The following UGT1A7 variants were observed in gnomAD, a reference collection of about 807,000 sequenced individuals.
The protein encoded by UGT1A7 is UDP glucuronosyltransferase family 1 member A7, also known as UDP-glucuronosyltransferase 1A7.
Under a neutral mutation model 45.6 loss-of-function variants are expected in UGT1A7, and 33 were observed. That is an observed-to-expected ratio of 0.72 (90% CI 0.55 to 0.97). The LOEUF (loss-of-function observed/expected upper bound fraction) is 0.97, where lower values mean the gene tolerates loss of function less well. Among genes scored for constraint, UGT1A7 ranks in the 50% least tolerant of loss-of-function variants. The pLI is 0.00. For missense variants in UGT1A7, 684 were observed against 666.2 expected (o/e 1.03, Z -0.29); for synonymous variants, 274 against 250.6 (o/e 1.09, Z -0.88).
chr2:233,713,226 A>T, intron 1 of UGT1A7: 1 of 1,614,204 alleles, frequency 6.2e-7, no homozygotes, highest in South Asian at 1.1e-5. Flanking sequence ...CACCCTGACA[A>T]CGTATGCCAT....
intron 1 of UGT1A7, among the ~76,000 whole-genome samples, chr2:233,745,730 G>T (rs1693190867): frequency 6.6e-6 from 1 of 150,482 alleles, no homozygotes; most frequent in Non-Finnish European, 1.5e-5. Context: ...GAGGGTAAGA[G>T]GCAGAGGGAG....
intron 1 of UGT1A7, among the ~76,000 whole-genome samples, chr2:233,757,479 A>C (rs1206962025): frequency 6.8e-6 from 1 of 148,148 alleles, no homozygotes; most frequent in Non-Finnish European, 1.5e-5. Flanking sequence ...CTCCAAAACC[A>C]TGGACTGGCA....
chr2:233,707,058 A>C (rs1363542701), intron 1 of UGT1A7, among the ~76,000 whole-genome samples: 1 of 152,162 alleles, frequency 6.6e-6, no homozygotes, highest in Non-Finnish European at 1.5e-5. Flanking sequence ...TCAGGTGGAC[A>C]GAGTCCCATC....
chr2:233,752,847 A>C (rs1252913320), intron 1 of UGT1A7, among the ~76,000 whole-genome samples: 1 of 152,248 alleles, frequency 6.6e-6, no homozygotes, highest in East Asian at 1.9e-4. Context: ...GATATATCAA[A>C]ATTTGAACTT....
intron 1 of UGT1A7, among the ~76,000 whole-genome samples, chr2:233,728,905 G>C (rs1331259486): frequency 6.6e-6 from 1 of 150,586 alleles, no homozygotes; most frequent in Admixed American, 6.6e-5. Flanking sequence ...AGGGTCAGAC[G>C]TGTTTTTCAA....
intron 1 of UGT1A7, among the ~76,000 whole-genome samples, chr2:233,714,855 A>G (rs1055272801): frequency 1.3e-5 from 2 of 152,158 alleles, no homozygotes; most frequent in Non-Finnish European, 2.9e-5. Context: ...TATTCCATGG[A>G]TAAAACTAAA....
At chr2:233,763,737 C>T (rs1348809742) in intron 1 of UGT1A7, among the ~76,000 whole-genome samples, 2 of 152,090 alleles carry the variant, frequency 1.3e-5, no homozygotes, top group East Asian at 1.9e-4. Context: ...CTGGCATTGG[C>T]GTGTCTTTGG....
At chr2:233,764,035 A>G (rs1459516650) in intron 1 of UGT1A7, among the ~76,000 whole-genome samples, 2 of 152,226 alleles carry the variant, frequency 1.3e-5, no homozygotes, top group Non-Finnish European at 2.9e-5. Context: ...GTGCTAAAGA[A>G]GAATTCTGGG....
chr2:233,735,959 A>G (rs1268805881), intron 1 of UGT1A7, among the ~76,000 whole-genome samples: 1 of 151,776 alleles, frequency 6.6e-6, no homozygotes, highest in Non-Finnish European at 1.5e-5. Flanking sequence ...CCTTCATTTC[A>G]ACTTTGGTGA....
intron 1 of UGT1A7, among the ~76,000 whole-genome samples, chr2:233,724,104 C>T (rs1174163777): frequency 1.9e-4 from 20 of 105,450 alleles, no homozygotes; most frequent in African/African-American, 7.3e-4. Context: ...CCAGTAGGGG[C>T]GGCCGGGCAG....
rs745592985 is a variant in UGT1A7, at chr2:233,682,268, A to G, written c.331A>G (p.Ser111Gly). The G allele has an allele frequency of 1.2e-6, 2 of 1,614,204 alleles. No individual in the cohort carries two copies. The highest frequency in any genetic ancestry group is 3.3e-5 in the Admixed American group (2 of 60,028). Residue 111 changes from serine to glycine, a missense_variant, in exon 1 of 5, where the codon AGT becomes GGT. Physicochemically the swap from Ser to Gly is moderately conservative, Grantham distance 56. Transcript: ENST00000373426. ...GCGAAGTGCATTTTCTCTATTAACA[A>G]GTTCATCCAATGGTATTTTTGACTT... ...PLRSAFSLLT[S>G]SSNGIFDLFF... is the part of the protein sequence containing the mutation.
chr2:233,743,981 G>C (rs1692624812), intron 1 of UGT1A7: 1 of 1,297,770 alleles, frequency 7.7e-7, no homozygotes, highest in African/African-American at 1.5e-5. Context: ...CAGCACCCAG[G>C]CGCAGGCCCG....
chr2:233,729,088 C>A, intron 1 of UGT1A7: 8 of 1,612,432 alleles, frequency 5.0e-6, no homozygotes, highest in Non-Finnish European at 6.8e-6. Flanking sequence ...GCAGGCACAG[C>A]GTGGGGTGGA....
intron 1 of UGT1A7, among the ~76,000 whole-genome samples, chr2:233,709,577 A>T (rs186174292): frequency 4.7e-4 from 71 of 152,336 alleles, no homozygotes; most frequent in Admixed American, 1.4e-3. Flanking sequence ...AAAATTCAAA[A>T]AATATACCAG....
chr2:233,718,699 T>C (rs1301211854), intron 1 of UGT1A7: 6 of 1,598,044 alleles, frequency 3.8e-6, no homozygotes, highest in South Asian at 1.1e-5. Context: ...GGAGGGCACT[T>C]TGTCTTCCAA....
intron 1 of UGT1A7, among the ~76,000 whole-genome samples, chr2:233,724,482 A>T (rs1472429927): frequency 6.4e-4 from 41 of 64,386 alleles, no homozygotes; most frequent in South Asian, 1.8e-3. Flanking sequence ...CACTTCTCAG[A>T]CGGGGCGGCC....
At chr2:233,689,882 C>T (rs2074964627) in intron 1 of UGT1A7, 1 of 456,432 alleles carries the variant, frequency 2.2e-6, no homozygotes, top group Admixed American at 2.4e-5. Context: ...TTATCAAGTG[C>T]CTTATTTATT....
intron 1 of UGT1A7, among the ~76,000 whole-genome samples, chr2:233,697,448 C>G (rs780047517): frequency 9.4e-5 from 14 of 149,256 alleles, no homozygotes; most frequent in Admixed American, 3.3e-4. Context: ...CTGATTTTAT[C>G]TGAGTGTTTT....
chr2:233,760,521 G>T, intron 1 of UGT1A7: 1 of 1,614,238 alleles, frequency 6.2e-7, no homozygotes, highest in South Asian at 1.1e-5. Context: ...CCTTGAAGAC[G>T]TACCCTGTGC....
Sources: gnomAD v4.1 joint callset for allele counts (sites outside exome capture counted in the v4.1 genomes callset) on GRCh38, gnomAD v4.1.1 for gene constraint, MANE v1.5 for transcripts, NCBI Gene and HGNC (gene_info 2026-07-23, HGNC 2026-07-21) for gene names.